Variants in KMT2C observed in about 807,000 individuals in gnomAD.
KMT2C encodes lysine methyltransferase 2C, also known as histone-lysine N-methyltransferase 2C.
KMT2C carries 88 observed loss-of-function variants against 507.9 expected under a neutral mutation model. The observed-to-expected ratio is 0.17, with a 90% CI of 0.15 to 0.21. KMT2C has a LOEUF of 0.21. Among genes scored for constraint, KMT2C ranks in the 10% least tolerant of loss-of-function variants. The pLI is 1.00. For synonymous variants in KMT2C, 2,049 were observed against 2,080.8 expected, an observed-to-expected ratio of 0.98 and a Z score of 0.42; for missense variants, 4,954 against 5,957.8, an observed-to-expected ratio of 0.83 and a Z score of 5.55.
chr7:152,356,413 T>C (rs2097151757), intron 2 of KMT2C, among the ~76,000 whole-genome samples: 1 of 150,860 alleles, frequency 6.6e-6, no homozygotes, highest in Non-Finnish European at 1.5e-5. Context: ...CTGTGTCTAC[T>C]AAAAATACAA....
At chr7:152,168,067 G>A (rs1486223445) in intron 41 of KMT2C, among the ~76,000 whole-genome samples, 1 of 151,944 alleles carries the variant, frequency 6.6e-6, no homozygotes, top group Non-Finnish European at 1.5e-5. Flanking sequence ...TCCCCAAATG[G>A]CTATATCTCT....
intron 18 of KMT2C, among the ~76,000 whole-genome samples, chr7:152,225,280 T>C (rs554494137): frequency 1.3e-5 from 2 of 152,158 alleles, no homozygotes; most frequent in Admixed American, 6.5e-5. Context: ...ACAGAACCAA[T>C]CAAGTGCCCA....
intron 1 of KMT2C, among the ~76,000 whole-genome samples, chr7:152,412,631 A>T (rs1163179503): frequency 6.6e-6 from 1 of 152,156 alleles, no homozygotes; most frequent in Admixed American, 6.6e-5. Context: ...GACACCAAAC[A>T]ACAGAAAAAG....
intron 14 of KMT2C, among the ~76,000 whole-genome samples, chr7:152,239,880 T>C (rs1463018597): frequency 1.1e-4 from 16 of 152,210 alleles, no homozygotes; most frequent in African/African-American, 3.9e-4. Flanking sequence ...TACTATCTCA[T>C]TAATCACATA....
intron 1 of KMT2C, among the ~76,000 whole-genome samples, chr7:152,389,477 ACTTTTT>A (rs2097470397): frequency 1.4e-5 from 2 of 147,692 alleles, no homozygotes; most frequent in African/African-American, 5.1e-5. Context: ...CTAATTATTT[ACTTTTT>A]TTTTTTTTAA....
In KMT2C at chr7:152,260,193, T is replaced by C. The variant is rs565557921; in HGVS notation, c.1299+2823A>G. ...CAGCATAAGCTTTGAACCACCACACTATAGTCCCTTCATAGAACAGGATAA... is the reference window on the plus strand; with the variant it reads ...CAGCATAAGCTTTGAACCACCACACCATAGTCCCTTCATAGAACAGGATAA... On this transcript the variant is annotated intron_variant, in intron 9 of 58. Coordinates refer to ENST00000262189, the MANE Select transcript of KMT2C (RefSeq NM_170606.3). 9.8e-5 allele frequency among the ~76,000 whole-genome samples: 15 copies of C among 152,312 alleles called. No homozygotes were observed. The South Asian group carries it at 1.7e-3, about 17-fold the overall frequency.
Position 152,178,015 on chromosome 7 carries a change from T to TAAAAAAA in KMT2C, c.7443-12_7443-6dup, listed in dbSNP as rs746018833. ...CTACCTCCTGGAAATCCAAATCTTT[T>TAAAAAAA]AAAAAAAAAAAAAAAAAAAAAAAAA... On this transcript the variant is annotated splice_polypyrimidine_tract_variant and splice_region_variant and intron_variant, in intron 37 of 58. Transcript: ENST00000262189. The TAAAAAAA allele has an allele frequency of 6.8e-5, 55 of 811,014 alleles. No homozygotes were observed. Among genetic ancestry groups the TAAAAAAA allele is most frequent in the East Asian group, 3.4e-4 (5 of 14,508 alleles). The allele number at this position is 811,014 out of a possible 1,614,324, so 50.2% of individuals were successfully genotyped here.
intron 9 of KMT2C, among the ~76,000 whole-genome samples, chr7:152,261,905 C>T (rs1290265306): frequency 6.6e-6 from 1 of 152,098 alleles, no homozygotes; most frequent in Non-Finnish European, 1.5e-5. Flanking sequence ...TCATCACAAT[C>T]CTTCAGCCCT....
intron 1 of KMT2C, among the ~76,000 whole-genome samples, chr7:152,379,977 A>G (rs2097358346): frequency 1.3e-5 from 2 of 152,018 alleles, no homozygotes; most frequent in African/African-American, 4.9e-5. Context: ...TCACACCTGT[A>G]ATCCTAACAC....
chr7:152,181,207 T>G lies in KMT2C; in HGVS notation c.6653A>C (p.Tyr2218Ser), dbSNP rs61730540. Residue 2218 changes from tyrosine to serine, a missense_variant, in exon 36 of 59, where the codon TAC becomes TCC. Physicochemically the swap from Tyr to Ser is moderately radical, Grantham distance 144. Coordinates refer to ENST00000262189, the MANE Select transcript of KMT2C (RefSeq NM_170606.3). ...GTPRPGISVP[Y>S]SQPPATPRPR... The stretch of plus-strand genomic sequence containing the variant: ...CCTTGGTGTTGCTGGTGGCTGAGAG[T>G]AAGGGACAGAAATTCCAGGTCTTGG... The G allele has an allele frequency of 3.2e-4, 514 of 1,613,848 alleles. 5 individuals are homozygous for G. The African/African-American group carries it at 6.1e-3, about 19-fold the overall frequency.
At position 152,176,194 on chromosome 7, in the gene KMT2C, T is replaced by C. The variant is rs2129112582; in HGVS notation, c.9259A>G (p.Ile3087Val). 6.3e-7 allele frequency: 1 copy of C among 1,592,908 alleles called. No homozygotes were observed. Among genetic ancestry groups the C allele is most frequent in the Non-Finnish European group, 8.6e-7 (1 of 1,169,584 alleles). ...TGAGACTCAAGAAAACTCCTACCAA[T>C]ATTAGGGAAGAACGGTTCTGATCGC... is the stretch of plus-strand genomic sequence containing the variant. The part of the protein sequence containing the change: ...RQRSEPFFPN[I>V]DFDAITDPIM... The change falls in exon 38 of 59, where the codon ATT becomes GTT. Residue 3087 changes from isoleucine to valine, a missense_variant. Ile to Val is a conservative substitution (Grantham distance 29). Transcript: ENST00000262189.
chr7:152,358,345 A>G (rs563648804), intron 2 of KMT2C, among the ~76,000 whole-genome samples: 1 of 152,184 alleles, frequency 6.6e-6, no homozygotes, highest in Non-Finnish European at 1.5e-5. Flanking sequence ...TTTCCTTGAT[A>G]AAACATTTAT....
intron 3 of KMT2C, among the ~76,000 whole-genome samples, chr7:152,329,548 C>A (rs1338405598): frequency 6.8e-6 from 1 of 147,632 alleles, no homozygotes; most frequent in African/African-American, 2.5e-5. Context: ...CTACCCTGGG[C>A]AACAGAGTAA....
At chr7:152,354,130 A>G (rs1029202588) in intron 2 of KMT2C, among the ~76,000 whole-genome samples, 1 of 152,216 alleles carries the variant, frequency 6.6e-6, no homozygotes, top group African/African-American at 2.4e-5. Context: ...TAACTTTAGT[A>G]AAGCCAGGTT....
intron 14 of KMT2C, among the ~76,000 whole-genome samples, chr7:152,239,996 A>AGC: frequency 6.6e-6 from 1 of 152,374 alleles, no homozygotes; most frequent in East Asian, 1.9e-4. Context: ...CACACAAGCA[A>AGC]TAGACTGGTT....
At chr7:152,214,040 A>G (rs527749807) in intron 23 of KMT2C, among the ~76,000 whole-genome samples, 1 of 152,324 alleles carries the variant, frequency 6.6e-6, no homozygotes, top group South Asian at 2.1e-4. Context: ...TGTCTCTTAG[A>G]ATGACTATTA....
At chr7:152,171,669 T>C (rs2092968473) in intron 39 of KMT2C, among the ~76,000 whole-genome samples, 2 of 152,236 alleles carry the variant, frequency 1.3e-5, no homozygotes, top group African/African-American at 4.8e-5. Context: ...CTCTATTATG[T>C]GCCTCACTCC....
chr7:152,256,174 A>G (rs948991087), intron 9 of KMT2C, among the ~76,000 whole-genome samples: 11 of 152,214 alleles, frequency 7.2e-5, no homozygotes, highest in Non-Finnish European at 1.3e-4. Context: ...TATCTCAAAA[A>G]TAAAATAAAC....
chr7:152,306,035 ATG>A (rs1335922069), intron 6 of KMT2C, among the ~76,000 whole-genome samples: 1 of 152,180 alleles, frequency 6.6e-6, no homozygotes, highest in Non-Finnish European at 1.5e-5. Flanking sequence ...ATATTTCTGT[ATG>A]TCTGTGTAAA....
Sources: allele counts gnomAD v4.1 joint callset (sites outside exome capture counted in the v4.1 genomes callset), GRCh38; gene constraint gnomAD v4.1.1; transcripts MANE v1.5; gene names NCBI Gene and HGNC (gene_info 2026-07-23, HGNC 2026-07-21).